The following MMP16 variants were observed in gnomAD, a reference collection of about 807,000 sequenced individuals.
The protein encoded by MMP16 is matrix metallopeptidase 16.
Under a neutral mutation model 67.8 loss-of-function variants are expected in MMP16, and 12 were observed. That is an observed-to-expected ratio of 0.18 (90% CI 0.11 to 0.29). The LOEUF (loss-of-function observed/expected upper bound fraction) is 0.29. Ranked by LOEUF, MMP16 falls within the 10% of genes least tolerant of loss-of-function variation. The probability of loss-of-function intolerance (pLI) is 1.00; values close to 1 mark genes in which losing one functional copy is unlikely to be tolerated. For synonymous variants in MMP16, 249 were observed against 255.9 expected, an observed-to-expected ratio of 0.97 and a Z score of 0.26; for missense variants, 475 against 765.7, an observed-to-expected ratio of 0.62 and a Z score of 4.48.
chr8:88,251,283 A>G (rs1317099779), intron 1 of MMP16, among the ~76,000 whole-genome samples: 1 of 151,934 alleles, frequency 6.6e-6, no homozygotes. Context: ...TGGTACTGGT[A>G]CCAAAACAGA....
chr8:88,279,615 G>T (rs1810701468), intron 1 of MMP16, among the ~76,000 whole-genome samples: 1 of 152,136 alleles, frequency 6.6e-6, no homozygotes, highest in Non-Finnish European at 1.5e-5. Flanking sequence ...GTTGCAGGCA[G>T]AACTTTTCTG....
intron 7 of MMP16, among the ~76,000 whole-genome samples, chr8:88,060,493 G>A (rs1586128601): frequency 6.6e-6 from 1 of 152,034 alleles, no homozygotes; most frequent in Non-Finnish European, 1.5e-5. Flanking sequence ...TTCATTATAT[G>A]TCATTTCAAG....
Position 88,162,431 on chromosome 8 carries a change from A to G in MMP16, c.709+5238T>C, listed in dbSNP as rs919233190. 3.3e-5 allele frequency among the ~76,000 whole-genome samples: 5 copies of G among 152,214 alleles called. No homozygotes were observed. In the East Asian group the frequency reaches 7.7e-4, roughly 24 times the overall value. On this transcript the variant is annotated intron_variant, in intron 4 of 9. Transcript: ENST00000286614. ...GTTCGTTCTCCAGTTTTAAAACCTG[A>G]TAAGAAAAATGTAGTAGAGTTAATA...
Position 88,327,470 on chromosome 8 carries a change from G to C in MMP16, c.-264C>G, listed in dbSNP as rs952486663. The C allele has an allele frequency of 4.3e-5, 20 of 461,482 alleles. No homozygotes were observed. The highest frequency in any genetic ancestry group is 6.4e-5 in the Non-Finnish European group (16 of 250,062). The allele number at this position is 461,482 out of a possible 1,614,324, so 28.6% of individuals were successfully genotyped here. ...CGGGAACGTGGCGCCTAAGTTCACC[G>C]GCGGTTCCGGCTCAAAGAGCCTAGT... On this transcript the variant is annotated 5_prime_UTR_variant, in exon 1 of 10. Coordinates refer to ENST00000286614, the MANE Select transcript of MMP16 (RefSeq NM_005941.5).
chr8:88,072,846 T>C (rs1808582838), intron 7 of MMP16, among the ~76,000 whole-genome samples: 1 of 152,164 alleles, frequency 6.6e-6, no homozygotes, highest in Non-Finnish European at 1.5e-5. Context: ...AGTTAGAAGG[T>C]ACTACTTACA....
At chr8:88,323,466 A>C (rs1811490601) in intron 1 of MMP16, among the ~76,000 whole-genome samples, 1 of 152,132 alleles carries the variant, frequency 6.6e-6, no homozygotes, top group South Asian at 2.1e-4. Flanking sequence ...TTGAAATCTA[A>C]AATATCTCTG....
chr8:88,317,856 C>T (rs780888142), intron 1 of MMP16, among the ~76,000 whole-genome samples: 5 of 152,104 alleles, frequency 3.3e-5, no homozygotes, highest in Non-Finnish European at 7.4e-5. Context: ...AAGGCAACAA[C>T]CAGCCAACAG....
chr8:88,167,560 T>C, intron 4 of MMP16, 109 bp downstream of exon 4: 1 of 1,123,272 alleles, frequency 8.9e-7, no homozygotes, highest in Non-Finnish European at 1.2e-6. Flanking sequence ...CTTTGGAATT[T>C]TAAAAGTAAA....
At chr8:88,120,942 T>C (rs1055351693) in intron 4 of MMP16, among the ~76,000 whole-genome samples, 4 of 151,980 alleles carry the variant, frequency 2.6e-5, no homozygotes. Context: ...CCTAAACACA[T>C]AGGAAGTCAG....
intron 1 of MMP16, among the ~76,000 whole-genome samples, chr8:88,226,116 C>T (rs974235478): frequency 3.9e-5 from 6 of 152,044 alleles, no homozygotes; most frequent in Non-Finnish European, 5.9e-5. Context: ...TACACACACA[C>T]GCACACACAC....
At chr8:88,284,100 A>G (rs185161479) in intron 1 of MMP16, among the ~76,000 whole-genome samples, 26 of 152,350 alleles carry the variant, frequency 1.7e-4, no homozygotes, top group African/African-American at 6.3e-4. Flanking sequence ...TGACACTATT[A>G]GGACAGTATT....
chr8:88,311,284 C>A (rs980703341), intron 1 of MMP16, among the ~76,000 whole-genome samples: 1 of 152,082 alleles, frequency 6.6e-6, no homozygotes, highest in Non-Finnish European at 1.5e-5. Flanking sequence ...AACAGCATAC[C>A]TGCTAGAGCC....
At chr8:88,207,454 C>A (rs1423112048) in intron 1 of MMP16, among the ~76,000 whole-genome samples, 2 of 152,266 alleles carry the variant, frequency 1.3e-5, no homozygotes, top group East Asian at 1.9e-4. Flanking sequence ...TGATCTCTTG[C>A]AGTTCTCACG....
At chr8:88,169,995 A>G (rs890841501) in intron 3 of MMP16, among the ~76,000 whole-genome samples, 3 of 152,240 alleles carry the variant, frequency 2.0e-5, no homozygotes, top group African/African-American at 7.2e-5. Flanking sequence ...AGGAAGACAC[A>G]TCAGAAACTA....
intron 3 of MMP16, among the ~76,000 whole-genome samples, chr8:88,179,912 T>C (rs1586191751): frequency 1.3e-5 from 2 of 152,020 alleles, no homozygotes; most frequent in African/African-American, 4.8e-5. Context: ...CAAAAACAAG[T>C]ACAAAAAACC....
chr8:88,160,204 G>C (rs910343446), intron 4 of MMP16, among the ~76,000 whole-genome samples: 2 of 151,856 alleles, frequency 1.3e-5, no homozygotes, highest in Admixed American at 1.3e-4. Context: ...TCCCACCTGT[G>C]AGTGAGAACA....
chr8:88,260,553 T>C (rs1810372956), intron 1 of MMP16, among the ~76,000 whole-genome samples: 1 of 152,102 alleles, frequency 6.6e-6, no homozygotes, highest in Non-Finnish European at 1.5e-5. Context: ...AAAAACAGGA[T>C]ATTATCTCTC....
intron 1 of MMP16, among the ~76,000 whole-genome samples, chr8:88,200,119 G>C (rs1442205745): frequency 6.6e-6 from 1 of 151,868 alleles, no homozygotes; most frequent in African/African-American, 2.4e-5. Flanking sequence ...ATTTGTCTTT[G>C]GGATAGGGCA....
intron 1 of MMP16, among the ~76,000 whole-genome samples, chr8:88,202,016 T>G (rs2129793637): frequency 6.6e-6 from 1 of 152,250 alleles, no homozygotes; most frequent in Non-Finnish European, 1.5e-5. Flanking sequence ...AAATTGAAGA[T>G]TCATAGGATA....
Sources: allele counts gnomAD v4.1 joint callset (sites outside exome capture counted in the v4.1 genomes callset), GRCh38; gene constraint gnomAD v4.1.1; transcripts MANE v1.5; gene names NCBI Gene and HGNC (gene_info 2026-07-23, HGNC 2026-07-21).